The following DPP6 variants were observed in gnomAD, a reference collection of about 807,000 sequenced individuals.
DPP6 encodes the protein A-type potassium channel modulatory protein DPP6.
Under a neutral mutation model 122.6 loss-of-function variants are expected in DPP6, and 69 were observed. The observed-to-expected ratio is 0.56, with a 90% CI of 0.46 to 0.69. The LOEUF is 0.69. DPP6 is among the 30% of genes least tolerant of loss of function. DPP6 has a pLI of 0.00. For synonymous variants in DPP6, 418 were observed against 433.1 expected, an observed-to-expected ratio of 0.97 and a Z score of 0.43; for missense variants, 928 against 1,116.9, an observed-to-expected ratio of 0.83 and a Z score of 2.41.
At chr7:154,341,732 T>G (rs959460865) in intron 1 of DPP6, among the ~76,000 whole-genome samples, 4 of 152,110 alleles carry the variant, frequency 2.6e-5, no homozygotes, top group African/African-American at 9.6e-5. Flanking sequence ...CTTTTCTCCT[T>G]GATGACATTT....
Position 154,689,795 on chromosome 7 carries a change from C to G in DPP6, c.762+20354C>G, listed in dbSNP as rs75970415. ...ATCAATTTGCAGTGCTGATGTTTTA[C>G]TGAAAGTCTCTGGCAGCTGGAATAT... is the stretch of plus-strand genomic sequence containing the variant. On this transcript the variant is annotated intron_variant, in intron 7 of 25. Coordinates refer to ENST00000377770, the MANE Select transcript of DPP6 (RefSeq NM_130797.4). Among the ~76,000 whole-genome samples the G allele has an allele frequency of 5.8e-3, 887 of 152,286 alleles. 10 individuals are homozygous for G. Among genetic ancestry groups the G allele is most frequent in the African/African-American group, 0.02 (833 of 41,548 alleles).
chr7:154,694,067 G>C (rs1840079237), intron 7 of DPP6, among the ~76,000 whole-genome samples: 1 of 152,194 alleles, frequency 6.6e-6, no homozygotes, highest in Non-Finnish European at 1.5e-5. Context: ...CTTGCTAGCT[G>C]ATTCTGTGCC....
At chr7:153,799,045 C>T in the DPP6 span, among the ~76,000 whole-genome samples, 9 of 152,178 alleles carry the variant, frequency 5.9e-5, no homozygotes, top group African/African-American at 2.2e-4. Flanking sequence ...ACTTGGCCAC[C>T]CCTCACCTCC....
At chr7:153,754,930 G>A in the DPP6 span, among the ~76,000 whole-genome samples, 1 of 151,172 alleles carries the variant, frequency 6.6e-6, no homozygotes, top group South Asian at 2.1e-4. Context: ...GAGTATCTTT[G>A]CTGTTTAATA....
At chr7:154,235,920 T>C (rs2150861789) in intron 1 of DPP6, among the ~76,000 whole-genome samples, 1 of 152,312 alleles carries the variant, frequency 6.6e-6, no homozygotes, top group South Asian at 2.1e-4. Context: ...TGGTGCAATC[T>C]TGGCTCACTA....
At chr7:154,545,187 T>C (rs183073927) in intron 4 of DPP6, among the ~76,000 whole-genome samples, 12 of 152,350 alleles carry the variant, frequency 7.9e-5, no homozygotes, top group Admixed American at 7.2e-4. Context: ...CAATTTTAAA[T>C]GTCAATGTTA....
At chr7:154,787,120 A>G (rs931106886) in intron 10 of DPP6, among the ~76,000 whole-genome samples, 3 of 152,206 alleles carry the variant, frequency 2.0e-5, no homozygotes, top group African/African-American at 7.2e-5. Context: ...TGATAAATCT[A>G]CTAACTTAAG....
chr7:154,283,178 G>A (rs750346175), intron 1 of DPP6, among the ~76,000 whole-genome samples: 10 of 152,208 alleles, frequency 6.6e-5, no homozygotes, highest in Middle Eastern at 3.4e-3. Context: ...TGGGATCCCC[G>A]TTGTCTTGTC....
intron 1 of DPP6, among the ~76,000 whole-genome samples, chr7:154,135,420 C>G (rs1461108289): frequency 6.6e-6 from 1 of 151,602 alleles, no homozygotes; most frequent in East Asian, 2.0e-4. Context: ...TATGCACTTC[C>G]TAAGAGAGCA....
rs980778057 is a variant in DPP6, at chr7:154,384,679, G to T, written c.244-61535G>T. Among the ~76,000 whole-genome samples the T allele has an allele frequency of 3.3e-5, 5 of 151,876 alleles. No homozygotes were observed. The East Asian group carries it at 9.7e-4, about 29-fold the overall frequency. ...CAAAAAAATGGAAAGCTCTAGTAAC[G>T]TTCTGCAGTAACACTTTGGCTCATG... On this transcript the variant is annotated intron_variant, in intron 1 of 25. Coordinates refer to ENST00000377770, the MANE Select transcript of DPP6 (RefSeq NM_130797.4).
chr7:154,587,968 A>G (rs575065101), intron 5 of DPP6: 1 of 1,612,942 alleles, frequency 6.2e-7, no homozygotes, highest in East Asian at 2.2e-5. Context: ...TGCAGCCCTC[A>G]GGCAGCACTG....
intron 1 of DPP6, among the ~76,000 whole-genome samples, chr7:154,350,418 C>A (rs1810752623): frequency 6.6e-6 from 1 of 152,158 alleles, no homozygotes; most frequent in Admixed American, 6.5e-5. Context: ...CACGCAAACC[C>A]AGCCTTCATG....
Position 154,052,793 on chromosome 7 carries a change from A to C in DPP6, c.-28A>C. 2 of 1,480,262 alleles carry C rather than the reference A, an allele frequency of 1.4e-6. No individual in the cohort carries two copies. Among genetic ancestry groups the C allele is most frequent in the Non-Finnish European group, 1.8e-6 (2 of 1,109,268 alleles). The allele number at this position is 1,480,262 out of a possible 1,614,324, so 91.7% of individuals were successfully genotyped here. On this transcript the variant is annotated 5_prime_UTR_variant, in exon 1 of 26. Transcript: ENST00000377770. The surrounding 1 kb of genome is among the most constrained non-coding windows in gnomAD (Gnocchi z 4.8). ...GAAAGCAAAATATTAAAAAGCCCCA[A>C]AGACAGCCAGCAGGAGCGCGGTGCC...
At chr7:154,375,897 A>T (rs1378122331) in intron 1 of DPP6, among the ~76,000 whole-genome samples, 1 of 152,172 alleles carries the variant, frequency 6.6e-6, no homozygotes, top group African/African-American at 2.4e-5. Flanking sequence ...ACGCAGAGTG[A>T]GGAAGAGTCA....
chr7:154,308,567 C>T (rs921274960), intron 1 of DPP6, among the ~76,000 whole-genome samples: 2 of 152,152 alleles, frequency 1.3e-5, no homozygotes, highest in African/African-American at 2.4e-5. Flanking sequence ...TGAGACTCCT[C>T]GGTGAAAATG....
intron 1 of DPP6, chr7:154,057,966 C>G (rs1200908720): frequency 1.3e-5 from 2 of 150,840 alleles, no homozygotes; most frequent in African/African-American, 2.5e-5. Flanking sequence ...CCTGCTAGTA[C>G]AAGAAGCAAA....
chr7:154,515,716 C>T (rs1028974652), intron 3 of DPP6, among the ~76,000 whole-genome samples: 1 of 152,070 alleles, frequency 6.6e-6, no homozygotes, highest in African/African-American at 2.4e-5. Context: ...TGACCTGATC[C>T]GCCCTCGTCG....
At chr7:154,227,168 G>C (rs1800653859) in intron 1 of DPP6, among the ~76,000 whole-genome samples, 1 of 141,748 alleles carries the variant, frequency 7.1e-6, no homozygotes, top group African/African-American at 2.6e-5. Flanking sequence ...GAGATGTGGA[G>C]ACCACCTAAA....
At chr7:153,808,232 AGTGTGCGT>A in the DPP6 span, among the ~76,000 whole-genome samples, 2 of 140,812 alleles carry the variant, frequency 1.4e-5, no homozygotes, top group African/African-American at 5.4e-5. Flanking sequence ...TGCGTGCCTG[AGTGTGCGT>A]GTGTGCACGT....
Sources: gnomAD v4.1 joint callset for allele counts (sites outside exome capture counted in the v4.1 genomes callset) on GRCh38, gnomAD v4.1.1 for gene constraint, Gnocchi (gnomAD v3.1) non-coding constraint, MANE v1.5 for transcripts, NCBI Gene and HGNC (gene_info 2026-07-23, HGNC 2026-07-21) for gene names.